Variants in GALNT13 observed in about 807,000 individuals in gnomAD.
GALNT13 encodes UDP-GalNAc:polypeptide N-acetylgalactosaminyltransferase 13.
GALNT13 carries 28 observed loss-of-function variants against 64.2 expected under a neutral mutation model. The observed-to-expected ratio is 0.44, with a 90% CI of 0.32 to 0.60. The LOEUF (loss-of-function observed/expected upper bound fraction) is 0.60. Ranked by LOEUF, GALNT13 falls within the 20% of genes least tolerant of loss-of-function variation. GALNT13 has a pLI of 0.05. For missense variants in GALNT13, 577 were observed against 669.8 expected (o/e 0.86, Z 1.53); for synonymous variants, 214 against 224.6 (o/e 0.95, Z 0.42).
rs117558015 is a variant in GALNT13, at chr2:153,931,558, T to G, written c.-104-12836T>G. Among the ~76,000 whole-genome samples, 13 of 152,232 alleles carry G rather than the reference T, an allele frequency of 8.5e-5. No individual in the cohort carries two copies. In the East Asian group the frequency reaches 2.5e-3, roughly 30 times the overall value. On this transcript the variant is annotated intron_variant, in intron 2 of 12. Coordinates refer to ENST00000392825, the MANE Select transcript of GALNT13 (RefSeq NM_052917.4). Reference sequence around the variant, plus strand: ...AGTTTGTTGAAGGTTTTTAACATGATGCCATGTTGAATTTTATTGAAAACT... The same window carrying G: ...AGTTTGTTGAAGGTTTTTAACATGAGGCCATGTTGAATTTTATTGAAAACT...
At chr2:154,413,800 T>G (rs2105404250) in intron 11 of GALNT13, among the ~76,000 whole-genome samples, 1 of 152,172 alleles carries the variant, frequency 6.6e-6, no homozygotes, top group Non-Finnish European at 1.5e-5. Flanking sequence ...CTCCTTAACC[T>G]AAACAGGACA....
chr2:153,267,031 A>G, the GALNT13 span, among the ~76,000 whole-genome samples: 3 of 152,158 alleles, frequency 2.0e-5, no homozygotes, highest in Non-Finnish European at 4.4e-5. Context: ...AATGGGAGAA[A>G]TTGGCCAAAA....
At chr2:153,479,658 A>G in the GALNT13 span, among the ~76,000 whole-genome samples, 1 of 152,152 alleles carries the variant, frequency 6.6e-6, no homozygotes, top group Admixed American at 6.5e-5. Context: ...TCAGTTGTTG[A>G]AGGGAATTGC....
the GALNT13 span, among the ~76,000 whole-genome samples, chr2:153,106,318 G>A: frequency 1.3e-5 from 2 of 152,080 alleles, no homozygotes; most frequent in African/African-American, 4.8e-5. Flanking sequence ...CTTGGCCTGT[G>A]TTCAGGGGGA....
chr2:153,971,919 C>A (rs1443009006), intron 3 of GALNT13, among the ~76,000 whole-genome samples: 1 of 152,008 alleles, frequency 6.6e-6, no homozygotes, highest in Non-Finnish European at 1.5e-5. Flanking sequence ...TGAGATCATA[C>A]ACAATTAGAG....
the GALNT13 span, among the ~76,000 whole-genome samples, chr2:153,640,256 C>A: frequency 1.3e-5 from 2 of 152,112 alleles, no homozygotes; most frequent in African/African-American, 4.8e-5. Context: ...CCAAAGGAAA[C>A]CTGTTGTCAG....
At chr2:153,657,944 C>G in the GALNT13 span, among the ~76,000 whole-genome samples, 3 of 152,152 alleles carry the variant, frequency 2.0e-5, no homozygotes, top group South Asian at 6.2e-4. Context: ...CCAGGCTGAT[C>G]TATTAATATA....
At chr2:153,164,100 A>G in the GALNT13 span, among the ~76,000 whole-genome samples, 8 of 151,796 alleles carry the variant, frequency 5.3e-5, no homozygotes, top group Admixed American at 2.6e-4. Context: ...CTTTCACTGT[A>G]TCTGATTCAT....
At chr2:153,112,815 T>A in the GALNT13 span, among the ~76,000 whole-genome samples, 1 of 152,076 alleles carries the variant, frequency 6.6e-6, no homozygotes, top group South Asian at 2.1e-4. Flanking sequence ...AAGTTTTAAA[T>A]ATACTCTTCT....
At chr2:153,279,280 GT>G in the GALNT13 span, among the ~76,000 whole-genome samples, 1 of 152,046 alleles carries the variant, frequency 6.6e-6, no homozygotes, top group African/African-American at 2.4e-5. Context: ...GGATTTCTAG[GT>G]ATAGAACTAT....
chr2:153,876,986 C>T (rs925823548), intron 1 of GALNT13, among the ~76,000 whole-genome samples: 8 of 152,012 alleles, frequency 5.3e-5, no homozygotes, highest in African/African-American at 1.7e-4. Flanking sequence ...ATTACCTACC[C>T]TTCAGAAATG....
intron 3 of GALNT13, among the ~76,000 whole-genome samples, chr2:154,125,873 A>G (rs1316892811): frequency 6.6e-6 from 1 of 152,106 alleles, no homozygotes; most frequent in Admixed American, 6.5e-5. Context: ...AAGTCCCAGG[A>G]AAAAATCTTT....
At chr2:153,245,116 C>T in the GALNT13 span, among the ~76,000 whole-genome samples, 1 of 152,264 alleles carries the variant, frequency 6.6e-6, no homozygotes, top group East Asian at 1.9e-4. Flanking sequence ...GCAGCAGCCC[C>T]AGTCAGGGGC....
the GALNT13 span, among the ~76,000 whole-genome samples, chr2:153,491,201 T>C: frequency 6.6e-6 from 1 of 151,866 alleles, no homozygotes; most frequent in Non-Finnish European, 1.5e-5. Flanking sequence ...AACTCAGCAA[T>C]AACAGATTAT....
intron 9 of GALNT13, among the ~76,000 whole-genome samples, chr2:154,347,508 G>T (rs2105243470): frequency 6.6e-6 from 1 of 152,148 alleles, no homozygotes; most frequent in East Asian, 1.9e-4. Flanking sequence ...CCAATTGTCA[G>T]ATTTGGTCTC....
intron 9 of GALNT13, among the ~76,000 whole-genome samples, chr2:154,377,101 A>C (rs1698035644): frequency 6.6e-6 from 1 of 152,188 alleles, no homozygotes; most frequent in Admixed American, 6.5e-5. Flanking sequence ...ATTTTTGAAA[A>C]CAGTGAAATG....
At chr2:153,406,422 G>A in the GALNT13 span, among the ~76,000 whole-genome samples, 28 of 151,062 alleles carry the variant, frequency 1.9e-4, no homozygotes, top group Non-Finnish European at 2.1e-4. Context: ...TTTCTTTTGT[G>A]GGGGGCACTG....
At chr2:153,611,498 A>G in the GALNT13 span, among the ~76,000 whole-genome samples, 1 of 151,882 alleles carries the variant, frequency 6.6e-6, no homozygotes, top group Non-Finnish European at 1.5e-5. Flanking sequence ...CCTCCTGAAT[A>G]GCTGTGACTA....
intron 3 of GALNT13, among the ~76,000 whole-genome samples, chr2:153,973,578 T>C (rs1172273224): frequency 6.6e-6 from 1 of 151,976 alleles, no homozygotes; most frequent in African/African-American, 2.4e-5. Context: ...TTTTTAGCTA[T>C]TTATGTGCTT....
Sources: allele counts gnomAD v4.1 joint callset (sites outside exome capture counted in the v4.1 genomes callset), GRCh38; gene constraint gnomAD v4.1.1; transcripts MANE v1.5; gene names NCBI Gene and HGNC (gene_info 2026-07-23, HGNC 2026-07-21).